Variants in EPHA3 observed in about 807,000 individuals in gnomAD.
The protein encoded by EPHA3 is EPH receptor A3, also known as ephrin type-A receptor 3.
EPHA3 carries 42 observed loss-of-function variants against 107.1 expected under a neutral mutation model. That is an observed-to-expected ratio of 0.39 (90% CI 0.31 to 0.51). The LOEUF is 0.51. EPHA3 is among the 20% of genes least tolerant of loss of function. The pLI, the probability that EPHA3 is intolerant of heterozygous loss-of-function variation, is 0.78. For missense variants in EPHA3, 1,183 were observed against 1,211.2 expected, an observed-to-expected ratio of 0.98 and a Z score of 0.35; for synonymous variants, 461 against 424.8, an observed-to-expected ratio of 1.09 and a Z score of -1.05.
chr3:89,303,298 A>G (rs1483485952), intron 3 of EPHA3, among the ~76,000 whole-genome samples: 2 of 152,002 alleles, frequency 1.3e-5, no homozygotes, highest in East Asian at 3.9e-4. Context: ...TGCTATTTCC[A>G]TAATTATTAT....
intron 5 of EPHA3, among the ~76,000 whole-genome samples, chr3:89,375,176 C>G (rs964525394): frequency 1.3e-5 from 2 of 151,756 alleles, no homozygotes; most frequent in African/African-American, 4.8e-5. Flanking sequence ...CAGTGACACA[C>G]AATGAGCCAT....
intron 3 of EPHA3, among the ~76,000 whole-genome samples, chr3:89,260,239 T>G (rs1246806427): frequency 6.6e-6 from 1 of 152,246 alleles, no homozygotes; most frequent in African/African-American, 2.4e-5. Flanking sequence ...TATTGTTAAT[T>G]TCTGTGGAAC....
intron 3 of EPHA3, among the ~76,000 whole-genome samples, chr3:89,323,143 T>A (rs1707082062): frequency 6.6e-6 from 1 of 152,168 alleles, no homozygotes; most frequent in Non-Finnish European, 1.5e-5. Context: ...TGCTTAAATA[T>A]ATTGACACAT....
intron 5 of EPHA3, among the ~76,000 whole-genome samples, chr3:89,360,769 T>A (rs1708076285): frequency 6.6e-6 from 1 of 151,236 alleles, no homozygotes; most frequent in African/African-American, 2.4e-5. Context: ...TATTATTATT[T>A]ATTTTATTGC....
At chr3:89,203,324 T>TA (rs138552890) in intron 2 of EPHA3, among the ~76,000 whole-genome samples, 62 of 138,412 alleles carry the variant, frequency 4.5e-4, no homozygotes, top group African/African-American at 1.1e-3. Context: ...TAGCCGGAAT[T>TA]AAAAAAAAAA....
At position 89,429,097 on chromosome 3, in the gene EPHA3, T is replaced by C. The variant is rs35944621; in HGVS notation, c.2075-9T>C. 6.3e-7 allele frequency: 1 copy of C among 1,584,384 alleles called. No individual in the cohort carries two copies. Among genetic ancestry groups the C allele is most frequent in the African/African-American group, 1.3e-5 (1 of 74,346 alleles). ...ACTGATTATTATTTATTATTTACTG[T>C]ATATCTAGGTAAGCCAGTTATGATT... On this transcript the variant is annotated splice_polypyrimidine_tract_variant and intron_variant, in intron 11 of 16. Coordinates refer to ENST00000336596, the MANE Select transcript of EPHA3 (RefSeq NM_005233.6).
At chr3:89,319,753 C>T (rs1415976359) in intron 3 of EPHA3, among the ~76,000 whole-genome samples, 2 of 151,884 alleles carry the variant, frequency 1.3e-5, no homozygotes, top group Non-Finnish European at 2.9e-5. Flanking sequence ...GTTAAAATAG[C>T]TCCTCTCTCT....
intron 3 of EPHA3, among the ~76,000 whole-genome samples, chr3:89,238,647 A>G (rs1367143775): frequency 1.3e-5 from 2 of 152,156 alleles, no homozygotes; most frequent in African/African-American, 2.4e-5. Context: ...CCTGTAACCA[A>G]TGTAGGTTTC....
chr3:89,195,403 TC>T (rs1476538375), intron 2 of EPHA3, among the ~76,000 whole-genome samples: 1 of 152,120 alleles, frequency 6.6e-6, no homozygotes, highest in Non-Finnish European at 1.5e-5. Context: ...CTCCTAAGCT[TC>T]ATTTTGTCTC....
At chr3:89,228,534 A>G (rs1215232223) in intron 3 of EPHA3, among the ~76,000 whole-genome samples, 1 of 151,994 alleles carries the variant, frequency 6.6e-6, no homozygotes, top group African/African-American at 2.4e-5. Context: ...GAATAATTAT[A>G]TACACTATCA....
chr3:89,353,446 G>A (rs1312828150), intron 5 of EPHA3, among the ~76,000 whole-genome samples: 1 of 151,200 alleles, frequency 6.6e-6, no homozygotes, highest in East Asian at 1.9e-4. Flanking sequence ...AAAAATCAAA[G>A]TCTTAACATT....
At position 89,386,053 on chromosome 3, in the gene EPHA3, T is replaced by C. The variant is rs138633853; in HGVS notation, c.1307-9784T>C. 9.3e-3 allele frequency among the ~76,000 whole-genome samples: 1,413 copies of C among 152,222 alleles called. 18 individuals carry two copies. Among genetic ancestry groups the C allele is most frequent in the African/African-American group, 0.033 (1,354 of 41,544 alleles). On this transcript the variant is annotated intron_variant, in intron 5 of 16. Transcript: ENST00000336596. Reference sequence around the variant, plus strand: ...TAAACTTGTGAGAGATAATTTAAGGTATCTGGTGGAACAATTTTTTTAGTA... The same window carrying C: ...TAAACTTGTGAGAGATAATTTAAGGCATCTGGTGGAACAATTTTTTTAGTA...
At chr3:89,302,302 A>T (rs1706510659) in intron 3 of EPHA3, among the ~76,000 whole-genome samples, 1 of 152,084 alleles carries the variant, frequency 6.6e-6, no homozygotes, top group African/African-American at 2.4e-5. Context: ...GGTTTTCCCT[A>T]CTTACAGTTC....
intron 3 of EPHA3, among the ~76,000 whole-genome samples, chr3:89,299,149 A>C (rs1451256567): frequency 5.9e-5 from 9 of 152,080 alleles, no homozygotes; most frequent in African/African-American, 7.2e-5. Context: ...AAACCATTAA[A>C]ATTTTTGGCA....
chr3:89,271,950 G>A (rs1311787925), intron 3 of EPHA3, among the ~76,000 whole-genome samples: 3 of 151,892 alleles, frequency 2.0e-5, no homozygotes, highest in Non-Finnish European at 4.4e-5. Flanking sequence ...TGAATACAAT[G>A]AGGATGACCA....
chr3:89,397,013 A>G (rs1042505826), intron 6 of EPHA3, among the ~76,000 whole-genome samples: 6 of 152,152 alleles, frequency 3.9e-5, no homozygotes, highest in African/African-American at 1.4e-4. Flanking sequence ...TTTTCCCTAT[A>G]TCAGGTACCT....
intron 3 of EPHA3, among the ~76,000 whole-genome samples, chr3:89,220,803 T>A (rs1704354662): frequency 6.6e-6 from 1 of 152,232 alleles, no homozygotes; most frequent in African/African-American, 2.4e-5. Context: ...TATAAAAAGT[T>A]TCTATGCTTT....
intron 1 of EPHA3, among the ~76,000 whole-genome samples, chr3:89,120,294 A>G (rs534235025): frequency 8.1e-4 from 123 of 152,322 alleles, no homozygotes; most frequent in Non-Finnish European, 1.4e-3. Flanking sequence ...TTACATAATA[A>G]TGTCCTGGTT....
intron 5 of EPHA3, among the ~76,000 whole-genome samples, chr3:89,382,182 G>A (rs1708522087): frequency 6.6e-6 from 1 of 151,998 alleles, no homozygotes; most frequent in East Asian, 1.9e-4. Context: ...GTATGGTGCG[G>A]CCAACAGATC....
Sources: allele counts gnomAD v4.1 joint callset (sites outside exome capture counted in the v4.1 genomes callset), GRCh38; gene constraint gnomAD v4.1.1; transcripts MANE v1.5; gene names NCBI Gene and HGNC (gene_info 2026-07-23, HGNC 2026-07-21).